RBFOX1: variants seen among roughly 807,000 people sequenced by gnomAD.
RBFOX1 encodes the protein RNA binding fox-1 homolog 1, also known as RNA binding protein fox-1 homolog 1.
A neutral mutation model predicts 57.7 loss-of-function variants in RBFOX1; 8 were observed. The observed-to-expected ratio is 0.14, with a 90% CI of 0.08 to 0.25. The LOEUF is 0.25. RBFOX1 is among the 10% of genes least tolerant of loss of function. The pLI is 1.00. For missense variants in RBFOX1, 611 were observed against 548.5 expected (o/e 1.11, Z -1.14); for synonymous variants, 326 against 222.4 (o/e 1.47, Z -4.15).
chr16:6,176,180 T>C (rs1215285456), intron 1 of RBFOX1, among the ~76,000 whole-genome samples: 1 of 152,110 alleles, frequency 6.6e-6, no homozygotes, highest in African/African-American at 2.4e-5. Context: ...AGTCTTGCTC[T>C]GTCACCCACG....
chr16:5,921,562 A>G (rs771173914), intron 4 of RBFOX1, among the ~76,000 whole-genome samples: 15 of 152,242 alleles, frequency 9.9e-5, no homozygotes, highest in Non-Finnish European at 1.9e-4. Flanking sequence ...TATTGATAAT[A>G]GCAACTATTT....
At chr16:5,414,409 C>T (rs1567473167) in intron 1 of RBFOX1, among the ~76,000 whole-genome samples, 1 of 152,116 alleles carries the variant, frequency 6.6e-6, no homozygotes, top group Non-Finnish European at 1.5e-5. Flanking sequence ...ATGGCCATGC[C>T]AATTAGTTGT....
intron 4 of RBFOX1, among the ~76,000 whole-genome samples, chr16:7,122,987 G>T (rs1367895277): frequency 6.6e-6 from 1 of 152,014 alleles, no homozygotes; most frequent in African/African-American, 2.4e-5. Flanking sequence ...TATGACATCT[G>T]CAAGAAAGAA....
At chr16:5,342,905 C>A (rs1187720409) in intron 1 of RBFOX1, among the ~76,000 whole-genome samples, 1 of 151,634 alleles carries the variant, frequency 6.6e-6, no homozygotes, top group African/African-American at 2.4e-5. Flanking sequence ...GGGAGATTAA[C>A]CCCTACCCCA....
chr16:5,403,520 C>T (rs181139774), intron 1 of RBFOX1, among the ~76,000 whole-genome samples: 39 of 152,138 alleles, frequency 2.6e-4, no homozygotes, highest in African/African-American at 8.7e-4. Flanking sequence ...CTTGGCTCAC[C>T]GCAACCTCCT....
chr16:7,235,066 G>A (rs2152938864), intron 4 of RBFOX1, among the ~76,000 whole-genome samples: 1 of 152,276 alleles, frequency 6.6e-6, no homozygotes, highest in East Asian at 1.9e-4. Context: ...AGCAAGACAA[G>A]CTTCAGTGGA....
At chr16:6,829,498 A>AC (rs1389996253) in intron 3 of RBFOX1, among the ~76,000 whole-genome samples, 1 of 144,568 alleles carries the variant, frequency 6.9e-6, no homozygotes, top group Admixed American at 7.8e-5. Flanking sequence ...AAAAAAAACA[A>AC]AAAAACGTTA....
intron 4 of RBFOX1, among the ~76,000 whole-genome samples, chr16:7,245,863 T>G (rs1240679594): frequency 6.6e-6 from 1 of 152,216 alleles, no homozygotes; most frequent in Non-Finnish European, 1.5e-5. Context: ...CCCCTTTGCG[T>G]TTATCTAATT....
chr16:6,156,221 A>G (rs1175212480), intron 1 of RBFOX1, among the ~76,000 whole-genome samples: 1 of 152,150 alleles, frequency 6.6e-6, no homozygotes, highest in Non-Finnish European at 1.5e-5. Context: ...ACATGAACTA[A>G]TGCAGGAATG....
intron 1 of RBFOX1, among the ~76,000 whole-genome samples, chr16:5,443,201 C>A (rs529690625): frequency 6.6e-6 from 1 of 152,154 alleles, no homozygotes; most frequent in African/African-American, 2.4e-5. Flanking sequence ...TCCCAGGAGA[C>A]TAAGCCGTGC....
chr16:6,939,437 T>C lies in RBFOX1; in HGVS notation c.-15-112620T>C, dbSNP rs77848964. Among the ~76,000 whole-genome samples, 349 of 152,168 alleles carry C rather than the reference T, an allele frequency of 2.3e-3. 6 individuals carry two copies. The East Asian group carries it at 0.051, about 22-fold the overall frequency. On this transcript the variant is annotated intron_variant, in intron 3 of 15. Transcript: ENST00000550418. The stretch of plus-strand genomic sequence containing the variant: ...TATGTAGCTATATATAGTAGACATC[T>C]GTTTTTATCTGGGTTAATGAATGTG...
At chr16:5,538,135 C>T (rs1002813910) in intron 2 of RBFOX1, among the ~76,000 whole-genome samples, 7 of 152,104 alleles carry the variant, frequency 4.6e-5, no homozygotes, top group African/African-American at 9.7e-5. Context: ...GAGGAGACAT[C>T]GGTAACTAGA....
intron 1 of RBFOX1, among the ~76,000 whole-genome samples, chr16:5,426,329 G>T (rs866829365): frequency 6.6e-6 from 1 of 151,968 alleles, no homozygotes; most frequent in African/African-American, 2.4e-5. Context: ...TAAGCAGGAG[G>T]GTTGCTGAAT....
At chr16:7,063,297 C>T (rs1239444321) in intron 4 of RBFOX1, among the ~76,000 whole-genome samples, 1 of 151,928 alleles carries the variant, frequency 6.6e-6, no homozygotes, top group African/African-American at 2.4e-5. Context: ...AAGATATTCC[C>T]CCCAACCCCA....
intron 2 of RBFOX1, among the ~76,000 whole-genome samples, chr16:6,518,718 C>T (rs746810668): frequency 1.1e-4 from 17 of 152,030 alleles, no homozygotes; most frequent in South Asian, 6.2e-4. Context: ...TCCGTCCGTC[C>T]GTCCATCCAT....
intron 1 of RBFOX1, among the ~76,000 whole-genome samples, chr16:5,314,691 C>T (rs749941850): frequency 6.6e-6 from 1 of 151,862 alleles, no homozygotes; most frequent in Admixed American, 6.6e-5. Flanking sequence ...TGTAGAGACA[C>T]GGTCTTGTTA....
intron 3 of RBFOX1, among the ~76,000 whole-genome samples, chr16:5,669,306 G>C (rs1429878075): frequency 2.0e-5 from 3 of 152,046 alleles, no homozygotes; most frequent in African/African-American, 7.2e-5. Flanking sequence ...AGCCTACCCA[G>C]CAGCAGGAGG....
At chr16:5,669,575 A>G (rs1415017205) in intron 3 of RBFOX1, among the ~76,000 whole-genome samples, 3 of 152,084 alleles carry the variant, frequency 2.0e-5, no homozygotes, top group Non-Finnish European at 4.4e-5. Flanking sequence ...ATGCACCACC[A>G]TGGCTAGCTA....
At chr16:7,706,123 A>C (rs1398460601) in intron 14 of RBFOX1, among the ~76,000 whole-genome samples, 3 of 152,132 alleles carry the variant, frequency 2.0e-5, no homozygotes, top group Admixed American at 2.0e-4. Context: ...CAAACGTAGC[A>C]CTCAAGTCCA....
Sources: allele counts gnomAD v4.1 joint callset (sites outside exome capture counted in the v4.1 genomes callset), GRCh38; gene constraint gnomAD v4.1.1; transcripts MANE v1.5; gene names NCBI Gene and HGNC (gene_info 2026-07-23, HGNC 2026-07-21).